HOMER2: variants seen among roughly 807,000 people sequenced by gnomAD.
HOMER2 encodes the protein homer protein homolog 2.
Under a neutral mutation model 47.0 loss-of-function variants are expected in HOMER2, and 27 were observed. That is an observed-to-expected ratio of 0.57 (90% CI 0.42 to 0.79). The LOEUF is 0.79. Ranked by LOEUF, HOMER2 falls within the 30% of genes least tolerant of loss-of-function variation. The pLI is 0.00. For synonymous variants in HOMER2, 161 were observed against 163.8 expected (o/e 0.98, Z 0.13); for missense variants, 443 against 435.0 (o/e 1.02, Z -0.16).
At chr15:82,891,139 C>G (rs570188268) in intron 2 of HOMER2, among the ~76,000 whole-genome samples, 1 of 152,248 alleles carries the variant, frequency 6.6e-6, no homozygotes, top group South Asian at 2.1e-4. Context: ...AGATAACACA[C>G]TACCCGCCTG....
intron 1 of HOMER2, among the ~76,000 whole-genome samples, chr15:82,895,279 C>A (rs371759500): frequency 1.3e-5 from 2 of 152,056 alleles, no homozygotes; most frequent in Non-Finnish European, 2.9e-5. Context: ...CCCACACACT[C>A]GATGCTAAAC....
chr15:82,978,404 G>A (rs765970110), intron 1 of HOMER2, among the ~76,000 whole-genome samples: 1 of 152,140 alleles, frequency 6.6e-6, no homozygotes, highest in Non-Finnish European at 1.5e-5. Context: ...ACTTGGAGGT[G>A]GGGACAATAG....
At chr15:82,938,721 G>GATTT (rs1182923337) in intron 1 of HOMER2, among the ~76,000 whole-genome samples, 1 of 152,122 alleles carries the variant, frequency 6.6e-6, no homozygotes, top group Non-Finnish European at 1.5e-5. Context: ...CCTGCAAATG[G>GATTT]ATTTGTGTTT....
intron 1 of HOMER2, among the ~76,000 whole-genome samples, chr15:82,930,064 G>A (rs1368107029): frequency 1.3e-5 from 2 of 152,152 alleles, no homozygotes; most frequent in African/African-American, 4.8e-5. Context: ...TCTGCTTTTG[G>A]TTTTAGACTT....
intron 3 of HOMER2, among the ~76,000 whole-genome samples, chr15:82,868,175 GGTT>G (rs1203562936): frequency 6.6e-6 from 1 of 151,882 alleles, no homozygotes; most frequent in Admixed American, 6.6e-5. Flanking sequence ...ACTTTTTAAT[GGTT>G]TTTTTATTGT....
intron 1 of HOMER2, among the ~76,000 whole-genome samples, chr15:82,903,477 C>T (rs1215888557): frequency 3.3e-5 from 5 of 152,172 alleles, no homozygotes; most frequent in East Asian, 1.9e-4. Flanking sequence ...ATTAGCCAGG[C>T]GTGGTGGCAC....
intron 1 of HOMER2, among the ~76,000 whole-genome samples, chr15:82,950,142 G>A (rs538806722): frequency 6.6e-6 from 1 of 152,264 alleles, no homozygotes; most frequent in African/African-American, 2.4e-5. Flanking sequence ...GGTCAAAGGT[G>A]CCTATCTTGT....
chr15:82,879,316 C>T (rs916021763), intron 2 of HOMER2, among the ~76,000 whole-genome samples: 3 of 152,120 alleles, frequency 2.0e-5, no homozygotes, highest in Non-Finnish European at 4.4e-5. Context: ...GACAACATGG[C>T]AAAACCCCAT....
chr15:82,979,919 A>T (rs1289189564), intron 1 of HOMER2, among the ~76,000 whole-genome samples: 1 of 152,114 alleles, frequency 6.6e-6, no homozygotes, highest in Non-Finnish European at 1.5e-5. Flanking sequence ...GGATGGCTGG[A>T]GATATCCATT....
intron 1 of HOMER2, among the ~76,000 whole-genome samples, chr15:82,893,999 C>T (rs1161948546): frequency 6.6e-6 from 1 of 152,208 alleles, no homozygotes; most frequent in Non-Finnish European, 1.5e-5. Flanking sequence ...ACTTCTGGAA[C>T]CATTCAACAA....
At chr15:82,962,607 G>T (rs545805108) in intron 1 of HOMER2, among the ~76,000 whole-genome samples, 2 of 151,984 alleles carry the variant, frequency 1.3e-5, no homozygotes, top group African/African-American at 4.8e-5. Context: ...AACCCGGGAG[G>T]TGGAGGTTGC....
intron 1 of HOMER2, among the ~76,000 whole-genome samples, chr15:82,923,722 A>G (rs1231201778): frequency 6.6e-6 from 1 of 152,008 alleles, no homozygotes; most frequent in Non-Finnish European, 1.5e-5. Context: ...ACCCACCCAC[A>G]CTCACGCAGG....
chr15:82,934,238 A>G (rs964492400), intron 1 of HOMER2, among the ~76,000 whole-genome samples: 1 of 151,392 alleles, frequency 6.6e-6, no homozygotes, highest in Admixed American at 6.6e-5. Flanking sequence ...GTTCCCACCC[A>G]CCTTCGCCTG....
intron 1 of HOMER2, among the ~76,000 whole-genome samples, chr15:82,946,851 C>T (rs544361294): frequency 3.9e-5 from 6 of 152,308 alleles, no homozygotes; most frequent in African/African-American, 1.2e-4. Flanking sequence ...GTGTAACCAT[C>T]AGTGTACCAC....
chr15:82,861,447 T>C (rs533866114), intron 4 of HOMER2, among the ~76,000 whole-genome samples: 1 of 152,302 alleles, frequency 6.6e-6, no homozygotes, highest in Non-Finnish European at 1.5e-5. Flanking sequence ...TGGAAAAGTA[T>C]GTTAGAAAGA....
chr15:82,983,480 T>G (rs1276961661), intron 1 of HOMER2, among the ~76,000 whole-genome samples: 3 of 152,244 alleles, frequency 2.0e-5, no homozygotes, highest in Non-Finnish European at 4.4e-5. Flanking sequence ...ACAAATGTAT[T>G]TGGGCTCTGA....
intron 1 of HOMER2, among the ~76,000 whole-genome samples, chr15:82,895,206 A>C (rs181038142): frequency 1.7e-4 from 26 of 152,330 alleles, no homozygotes; most frequent in Admixed American, 7.8e-4. Context: ...GGAGCAGGAC[A>C]AGTGCCTCTG....
chr15:82,925,879 C>T (rs2053842482), intron 1 of HOMER2: 1 of 152,030 alleles, frequency 6.6e-6, no homozygotes, highest in Non-Finnish European at 1.5e-5. Context: ...CAACCACCAA[C>T]CCCCATGATA....
chr15:82,836,089 A>G (rs1047687346), downstream of HOMER2: 3 of 152,224 alleles, frequency 2.0e-5, no homozygotes, highest in Non-Finnish European at 4.4e-5. Flanking sequence ...ACGTTCTCAC[A>G]ATAAAAATTC....
Sources: gnomAD v4.1 joint callset for allele counts (sites outside exome capture counted in the v4.1 genomes callset) on GRCh38, gnomAD v4.1.1 for gene constraint, MANE v1.5 for transcripts, NCBI Gene and HGNC (gene_info 2026-07-23, HGNC 2026-07-21) for gene names.